The following ZDHHC21 variants were observed in gnomAD, a reference collection of about 807,000 sequenced individuals.
The protein encoded by ZDHHC21 is zDHHC palmitoyltransferase 21.
ZDHHC21 carries 15 observed loss-of-function variants against 34.6 expected under a neutral mutation model. That is an observed-to-expected ratio of 0.43 (90% CI 0.29 to 0.67). The LOEUF (loss-of-function observed/expected upper bound fraction) is 0.67. Ranked by LOEUF, ZDHHC21 falls within the 30% of genes least tolerant of loss-of-function variation. ZDHHC21 has a pLI of 0.14. For missense variants in ZDHHC21, 344 were observed against 327.7 expected (o/e 1.05, Z -0.38); for synonymous variants, 142 against 101.8 (o/e 1.40, Z -2.38).
At chr9:14,590,816 C>G in the ZDHHC21 span, among the ~76,000 whole-genome samples, 1 of 151,904 alleles carries the variant, frequency 6.6e-6, no homozygotes, top group Non-Finnish European at 1.5e-5. Flanking sequence ...ACGAAGAGCA[C>G]CAGAAATGAT....
the ZDHHC21 span, among the ~76,000 whole-genome samples, chr9:14,591,840 A>C: frequency 6.6e-6 from 1 of 152,126 alleles, no homozygotes; most frequent in Non-Finnish European, 1.5e-5. Flanking sequence ...TCTTAGCTTA[A>C]AATCTATTTT....
chr9:14,643,887 T>G (rs1051823306), intron 7 of ZDHHC21, among the ~76,000 whole-genome samples: 3 of 152,182 alleles, frequency 2.0e-5, no homozygotes, highest in Non-Finnish European at 4.4e-5. Context: ...GTGACAAATG[T>G]CTTAGTTATT....
rs186701407 is a variant in ZDHHC21 at position 14,652,272 on chromosome 9, T to C, written c.504+6477A>G. Among the ~76,000 whole-genome samples, 36 of 152,046 alleles carry C rather than the reference T, an allele frequency of 2.4e-4. No homozygotes were observed. The East Asian group carries it at 6.6e-3, about 28-fold the overall frequency. On this transcript the variant is annotated intron_variant, in intron 7 of 9. Transcript: ENST00000380916. ...GATAAAGATAGTAAATACTAATTCT[T>C]TTTAGGTTCACAGGCCTTTTTTTAG...
intron 8 of ZDHHC21, among the ~76,000 whole-genome samples, chr9:14,636,817 A>T (rs1828391186): frequency 6.6e-6 from 1 of 152,198 alleles, no homozygotes; most frequent in Admixed American, 6.5e-5. Flanking sequence ...CAGTGGGCCA[A>T]GAAAGAAACT....
chr9:14,624,246 C>T (rs941729610), intron 8 of ZDHHC21, among the ~76,000 whole-genome samples: 1 of 151,998 alleles, frequency 6.6e-6, no homozygotes, highest in Non-Finnish European at 1.5e-5. Context: ...AAATACTACA[C>T]CATTTTACAT....
rs192002694 is a variant in ZDHHC21 at position 14,652,728 on chromosome 9, T to C, written c.504+6021A>G. Among the ~76,000 whole-genome samples the C allele has an allele frequency of 4.5e-4, 68 of 152,092 alleles. No homozygotes were observed. In the East Asian group the frequency reaches 5.2e-3, roughly 12 times the overall value. The stretch of plus-strand genomic sequence containing the variant: ...AACTGTCTTTACCATGAGCATAACA[T>C]ACAACGTACCAGTTTTCTACTGAAT... On this transcript the variant is annotated intron_variant, in intron 7 of 9. Coordinates refer to ENST00000380916, the MANE Select transcript of ZDHHC21 (RefSeq NM_178566.6).
the ZDHHC21 span, among the ~76,000 whole-genome samples, chr9:14,605,433 T>A: frequency 6.6e-6 from 1 of 152,196 alleles, no homozygotes; most frequent in African/African-American, 2.4e-5. Context: ...ATCTCTCTAT[T>A]AGTGATGTTG....
the ZDHHC21 span, among the ~76,000 whole-genome samples, chr9:14,596,214 A>G: frequency 6.6e-6 from 1 of 152,252 alleles, no homozygotes; most frequent in African/African-American, 2.4e-5. Context: ...TGGTAATACA[A>G]TGGAATTTGG....
At chr9:14,691,014 A>C (rs1199379255) in intron 1 of ZDHHC21, among the ~76,000 whole-genome samples, 1 of 152,216 alleles carries the variant, frequency 6.6e-6, no homozygotes, top group African/African-American at 2.4e-5. Context: ...AATTTAGGGA[A>C]CAAACTCTTG....
At chr9:14,686,250 A>G (rs958779603) in intron 2 of ZDHHC21, among the ~76,000 whole-genome samples, 4 of 152,290 alleles carry the variant, frequency 2.6e-5, no homozygotes, top group African/African-American at 7.2e-5. Context: ...AATTAAAAAA[A>G]AGAGAAGGGG....
rs565757469 is a variant in ZDHHC21 at position 14,670,306 on chromosome 9, T to C, written c.253+2524A>G. 3.6e-4 allele frequency among the ~76,000 whole-genome samples: 55 copies of C among 152,278 alleles called. 1 individual carries two copies. The highest frequency in any genetic ancestry group is 1.2e-3 in the African/African-American group (51 of 41,564). Reference sequence around the variant, plus strand: ...AGAGAAAGCCTACAATTTTGTAATCTAGACCACAGATACAAACTACAGTCT... The same window carrying C: ...AGAGAAAGCCTACAATTTTGTAATCCAGACCACAGATACAAACTACAGTCT... On this transcript the variant is annotated intron_variant, in intron 5 of 9. Transcript: ENST00000380916.
intron 2 of ZDHHC21, among the ~76,000 whole-genome samples, chr9:14,689,361 G>A (rs943675540): frequency 6.6e-6 from 1 of 152,230 alleles, no homozygotes; most frequent in Non-Finnish European, 1.5e-5. Context: ...AATAAAGAAT[G>A]TATAATGCAA....
chr9:14,609,788 C>T (rs923537171), downstream of ZDHHC21, among the ~76,000 whole-genome samples: 8 of 152,048 alleles, frequency 5.3e-5, no homozygotes, highest in African/African-American at 1.9e-4. Flanking sequence ...TTGGAACTAA[C>T]TAAACTTTAA....
the ZDHHC21 span, among the ~76,000 whole-genome samples, chr9:14,599,605 T>C: frequency 1.4e-3 from 216 of 151,944 alleles, no homozygotes; most frequent in East Asian, 0.01. Flanking sequence ...CAAGACAGAA[T>C]TGTTCACTCC....
At chr9:14,686,933 A>C (rs13299425) in intron 2 of ZDHHC21, among the ~76,000 whole-genome samples, 61,367 of 149,166 alleles carry the variant, frequency 0.41, 13,585 homozygotes, top group African/African-American at 0.44. Context: ...AGACTGTACT[A>C]CAGCACTCCA....
At chr9:14,663,401 A>T (rs1833747988) in intron 5 of ZDHHC21, among the ~76,000 whole-genome samples, 1 of 152,228 alleles carries the variant, frequency 6.6e-6, no homozygotes, top group South Asian at 2.1e-4. Context: ...CTGACATATG[A>T]AAAGTCTAAA....
chr9:14,688,023 TAAATAA>T (rs1554793185), intron 2 of ZDHHC21, among the ~76,000 whole-genome samples: 1 of 151,020 alleles, frequency 6.6e-6, no homozygotes, highest in Non-Finnish European at 1.5e-5. Flanking sequence ...GTGTGGCAGT[TAAATAA>T]TTCTCCATAA....
At chr9:14,626,589 G>C (rs1024495644) in intron 8 of ZDHHC21, among the ~76,000 whole-genome samples, 1 of 151,852 alleles carries the variant, frequency 6.6e-6, no homozygotes, top group African/African-American at 2.4e-5. Context: ...ATAGGAACAT[G>C]CATATGCTAA....
chr9:14,634,888 A>C (rs886508168), intron 8 of ZDHHC21, among the ~76,000 whole-genome samples: 52 of 150,308 alleles, frequency 3.5e-4, no homozygotes, highest in Non-Finnish European at 5.0e-4. Context: ...ATAATTCAAA[A>C]TAATATTAAA....
Sources: gnomAD v4.1 joint callset for allele counts (sites outside exome capture counted in the v4.1 genomes callset) on GRCh38, gnomAD v4.1.1 for gene constraint, MANE v1.5 for transcripts, NCBI Gene and HGNC (gene_info 2026-07-23, HGNC 2026-07-21) for gene names.